Variants in GRID2 observed in about 807,000 individuals in gnomAD.
The protein encoded by GRID2 is glutamate receptor ionotropic, delta-2.
GRID2 carries 33 observed loss-of-function variants against 114.8 expected under a neutral mutation model. The ratio of observed to expected loss-of-function variants is 0.29; its 90% CI spans 0.22 to 0.38. The LOEUF (loss-of-function observed/expected upper bound fraction) is 0.38, where lower values mean the gene tolerates loss of function less well. Ranked by LOEUF, GRID2 falls within the 10% of genes least tolerant of loss-of-function variation. The pLI, the probability that GRID2 is intolerant of heterozygous loss-of-function variation, is 1.00. For synonymous variants in GRID2, 505 were observed against 449.9 expected (o/e 1.12, Z -1.55); for missense variants, 1,184 against 1,257.7 (o/e 0.94, Z 0.89).
At chr4:93,353,427 G>A (rs1760998356) in intron 8 of GRID2, among the ~76,000 whole-genome samples, 2 of 151,854 alleles carry the variant, frequency 1.3e-5, no homozygotes, top group Admixed American at 1.3e-4. Flanking sequence ...GAGAAAGAAT[G>A]GCTAGGAGAT....
chr4:93,361,432 T>C (rs2149275301), intron 8 of GRID2, among the ~76,000 whole-genome samples: 1 of 151,760 alleles, frequency 6.6e-6, no homozygotes, highest in Middle Eastern at 3.4e-3. Flanking sequence ...AGTCTACAAA[T>C]GAGCCCATCA....
intron 4 of GRID2, among the ~76,000 whole-genome samples, chr4:93,165,041 C>T (rs554747293): frequency 3.9e-5 from 6 of 152,064 alleles, no homozygotes; most frequent in African/African-American, 1.4e-4. Context: ...GCTGCATTCT[C>T]ATCTGGAAGA....
intron 14 of GRID2, among the ~76,000 whole-genome samples, chr4:93,748,113 A>C (rs1038151929): frequency 6.6e-6 from 1 of 152,180 alleles, no homozygotes; most frequent in Non-Finnish European, 1.5e-5. Context: ...TTTATATACT[A>C]TCAAGTAAAA....
chr4:93,330,731 C>G (rs532192597), intron 8 of GRID2, among the ~76,000 whole-genome samples: 40 of 152,146 alleles, frequency 2.6e-4, no homozygotes, highest in African/African-American at 9.2e-4. Context: ...CCATGCAAAC[C>G]TATAGGAAGG....
chr4:92,712,038 G>A (rs1450896041), intron 2 of GRID2, among the ~76,000 whole-genome samples: 1 of 152,170 alleles, frequency 6.6e-6, no homozygotes, highest in Non-Finnish European at 1.5e-5. Flanking sequence ...AGTTATAGAA[G>A]TAACATTGAG....
intron 2 of GRID2, among the ~76,000 whole-genome samples, chr4:92,602,714 C>A (rs2149220753): frequency 6.6e-6 from 1 of 152,226 alleles, no homozygotes; most frequent in African/African-American, 2.4e-5. Context: ...GGTAATCAGG[C>A]AAGGGAAAGA....
intron 8 of GRID2, among the ~76,000 whole-genome samples, chr4:93,342,220 A>G (rs982331099): frequency 1.3e-5 from 2 of 152,150 alleles, no homozygotes; most frequent in African/African-American, 4.8e-5. Context: ...TCCATGATCT[A>G]GACCCTGCCT....
chr4:92,983,957 G>T (rs1754363204), intron 2 of GRID2, among the ~76,000 whole-genome samples: 1 of 152,116 alleles, frequency 6.6e-6, no homozygotes, highest in Non-Finnish European at 1.5e-5. Context: ...ACAGAGACTG[G>T]GATTTTGTGC....
chr4:93,658,365 CTTAT>C (rs1333179459), intron 14 of GRID2, among the ~76,000 whole-genome samples: 7 of 152,124 alleles, frequency 4.6e-5, no homozygotes, highest in East Asian at 1.9e-4. Context: ...ATAAAGAGGT[CTTAT>C]TTATTTAATA....
intron 14 of GRID2, among the ~76,000 whole-genome samples, chr4:93,672,632 A>T (rs1724529490): frequency 6.6e-6 from 1 of 152,172 alleles, no homozygotes; most frequent in Non-Finnish European, 1.5e-5. Context: ...TAATTTTAGG[A>T]CTAATTGTTG....
intron 14 of GRID2, among the ~76,000 whole-genome samples, chr4:93,680,669 G>A (rs1422420670): frequency 1.0e-4 from 13 of 128,572 alleles, no homozygotes; most frequent in Non-Finnish European, 2.2e-4. Flanking sequence ...CAGAACCAAA[G>A]ACAAAAACCA....
chr4:92,905,583 G>A (rs1747885923), intron 2 of GRID2, among the ~76,000 whole-genome samples: 1 of 151,980 alleles, frequency 6.6e-6, no homozygotes, highest in Non-Finnish European at 1.5e-5. Context: ...GTATTTACCA[G>A]CTATTGATGG....
At chr4:92,755,275 A>C (rs1167482718) in intron 2 of GRID2, among the ~76,000 whole-genome samples, 2 of 152,210 alleles carry the variant, frequency 1.3e-5, no homozygotes, top group Admixed American at 1.3e-4. Flanking sequence ...TTCTAAAAAA[A>C]TAACTTTTTT....
chr4:92,880,878 C>T (rs982452358), intron 2 of GRID2, among the ~76,000 whole-genome samples: 13 of 151,670 alleles, frequency 8.6e-5, no homozygotes, highest in Non-Finnish European at 1.9e-4. Flanking sequence ...CCTGCCACCA[C>T]TCCCGGGTAG....
intron 2 of GRID2, among the ~76,000 whole-genome samples, chr4:92,880,315 A>G (rs1159810977): frequency 6.6e-6 from 1 of 152,188 alleles, no homozygotes; most frequent in East Asian, 1.9e-4. Context: ...AAGATGATGC[A>G]AAAGTTTTTC....
intron 10 of GRID2, among the ~76,000 whole-genome samples, chr4:93,451,214 A>G (rs1455199608): frequency 6.6e-6 from 1 of 152,050 alleles, no homozygotes; most frequent in Non-Finnish European, 1.5e-5. Flanking sequence ...GGAGGAGTCA[A>G]ACATTATTGA....
At chr4:93,673,695 A>G (rs1053419370) in intron 14 of GRID2, among the ~76,000 whole-genome samples, 3 of 152,212 alleles carry the variant, frequency 2.0e-5, no homozygotes, top group African/African-American at 7.2e-5. Context: ...TACATGAAAC[A>G]AGCCATTGAC....
intron 1 of GRID2, among the ~76,000 whole-genome samples, chr4:92,317,094 G>C (rs192554390): frequency 1.4e-4 from 21 of 152,200 alleles, no homozygotes; most frequent in African/African-American, 4.6e-4. Flanking sequence ...ATCAGATATT[G>C]CATTAAGCAT....
At chr4:93,377,044 G>C (rs1763448491) in intron 8 of GRID2, among the ~76,000 whole-genome samples, 1 of 152,028 alleles carries the variant, frequency 6.6e-6, no homozygotes, top group Admixed American at 6.6e-5. Flanking sequence ...ATGTTTTAAA[G>C]GACTTCTTAA....
Sources: gnomAD v4.1 joint callset for allele counts (sites outside exome capture counted in the v4.1 genomes callset) on GRCh38, gnomAD v4.1.1 for gene constraint, MANE v1.5 for transcripts, NCBI Gene and HGNC (gene_info 2026-07-23, HGNC 2026-07-21) for gene names.